The following STX12 variants were observed in gnomAD, a reference collection of about 807,000 sequenced individuals.
STX12 encodes syntaxin-12.
Under a neutral mutation model 42.2 loss-of-function variants are expected in STX12, and 17 were observed. That is an observed-to-expected ratio of 0.40 (90% CI 0.28 to 0.60). The LOEUF is 0.60. Among genes scored for constraint, STX12 ranks in the 20% least tolerant of loss-of-function variants. STX12 has a pLI of 0.39. For synonymous variants in STX12, 108 were observed against 116.7 expected, an observed-to-expected ratio of 0.93 and a Z score of 0.48; for missense variants, 297 against 330.9, an observed-to-expected ratio of 0.90 and a Z score of 0.79.
intron 1 of STX12, 22 bp from the exon 2 acceptor site, chr1:27,789,540 C>A (rs1424378096): frequency 1.9e-6 from 3 of 1,599,042 alleles, no homozygotes; most frequent in South Asian, 2.2e-5. Flanking sequence ...TTAAATAAAT[C>A]TTTTTCTTCC....
chr1:27,806,174 T>A (rs940862658), intron 4 of STX12, among the ~76,000 whole-genome samples: 1 of 152,196 alleles, frequency 6.6e-6, no homozygotes, highest in Non-Finnish European at 1.5e-5. Context: ...TCTTCCGAAA[T>A]TTTATTTTTA....
Position 27,786,874 on chromosome 1 carries a change from T to G in STX12, c.119-2688T>G, listed in dbSNP as rs567123278. 7.2e-5 allele frequency among the ~76,000 whole-genome samples: 11 copies of G among 152,346 alleles called. No individual in the cohort carries two copies. In the East Asian group the frequency reaches 2.1e-3, roughly 29 times the overall value. ...TGGCTGTCCAGTTAATAGCTTTAGTTGTATCCTGATTCCCATTTGACTTAG... is the reference window on the plus strand; with the variant it reads ...TGGCTGTCCAGTTAATAGCTTTAGTGGTATCCTGATTCCCATTTGACTTAG... On this transcript the variant is annotated intron_variant, in intron 1 of 8. Transcript: ENST00000373943.
In STX12 at chr1:27,791,916, G is replaced by A. The variant is rs532736129; in HGVS notation, c.189-1617G>A. 5.2e-3 allele frequency among the ~76,000 whole-genome samples: 783 copies of A among 150,884 alleles called. 3 individuals are homozygous for A. The highest frequency in any genetic ancestry group is 6.9e-3 in the South Asian group (33 of 4,814). On this transcript the variant is annotated intron_variant, in intron 2 of 8. Transcript: ENST00000373943. The stretch of plus-strand genomic sequence containing the variant: ...GGAGAATCACTTGAACCCGGGAGGC[G>A]AAGGTTGGAGTGAGCCAAGATCGCG...
At chr1:27,789,958 C>T (rs982539170) in intron 2 of STX12, among the ~76,000 whole-genome samples, 1 of 152,028 alleles carries the variant, frequency 6.6e-6, no homozygotes, top group Non-Finnish European at 1.5e-5. Flanking sequence ...TCCTTGTTGG[C>T]GTAGGACTCC....
chr1:27,801,444 A>G (rs527669474), intron 3 of STX12, among the ~76,000 whole-genome samples: 9 of 152,178 alleles, frequency 5.9e-5, no homozygotes, highest in South Asian at 2.1e-4. Flanking sequence ...AGTTAAATGC[A>G]ACCCAGTTCC....
At chr1:27,814,340 G>C (rs2088925594) in intron 6 of STX12, among the ~76,000 whole-genome samples, 1 of 151,684 alleles carries the variant, frequency 6.6e-6, no homozygotes, top group Non-Finnish European at 1.5e-5. Context: ...AGACAGCCTG[G>C]GCAGTGTAGC....
At chr1:27,793,676 GT>G in intron 3 of STX12, 44 bp downstream of exon 3, 1 of 1,536,728 alleles carries the variant, frequency 6.5e-7, no homozygotes. Context: ...AGGACTTTGT[GT>G]TAGTAGAAAG....
intron 2 of STX12, among the ~76,000 whole-genome samples, chr1:27,793,139 A>G (rs2088760312): frequency 6.6e-6 from 1 of 152,264 alleles, no homozygotes; most frequent in Non-Finnish European, 1.5e-5. Context: ...CCTAGATTCT[A>G]GTCAGTGGAC....
intron 1 of STX12, among the ~76,000 whole-genome samples, chr1:27,786,777 C>T (rs376699680): frequency 1.1e-4 from 16 of 152,268 alleles, no homozygotes; most frequent in African/African-American, 3.9e-4. Flanking sequence ...GCTTGTCAAG[C>T]CCAGTGTCTA....
intron 1 of STX12, among the ~76,000 whole-genome samples, chr1:27,784,328 C>G (rs149793875): frequency 5.4e-4 from 82 of 152,252 alleles, no homozygotes; most frequent in African/African-American, 1.9e-3. Flanking sequence ...TTGAGCGATC[C>G]TCTTCTCTCA....
Position 27,773,293 on chromosome 1 carries a change from T to G in STX12, c.-15T>G, listed in dbSNP as rs2088607575. The G allele has an allele frequency of 6.4e-7, 1 of 1,566,762 alleles. No homozygotes were observed. Among genetic ancestry groups the G allele is most frequent in the Non-Finnish European group, 8.7e-7 (1 of 1,143,698 alleles). On this transcript the variant is annotated 5_prime_UTR_variant, in exon 1 of 9. Transcript: ENST00000373943. ...AGGAGAGCGGTGTAGAGCGAGCAGG[T>G]CTCAGCTCCTCGTCATGTCATACGG...
At position 27,824,200 on chromosome 1, in the gene STX12, G is replaced by A. The variant is rs1328330536; in HGVS notation, c.*1871G>A. The A allele has an allele frequency of 1.3e-5, 2 of 152,044 alleles. No homozygotes were observed. The highest frequency in any genetic ancestry group is 2.9e-5 in the Non-Finnish European group (2 of 68,016). 9.4% of individuals were successfully genotyped at this position (152,044 alleles called of 1,614,324 possible). The stretch of plus-strand genomic sequence containing the variant: ...CCCTGTTTAACTCCAAATTACAGTC[G>A]GACTTGGATACATCATTTGTAACAT... On this transcript the variant is annotated 3_prime_UTR_variant, in exon 9 of 9. Transcript: ENST00000373943.
intron 2 of STX12, 54 bp downstream of exon 2, chr1:27,789,685 T>G: frequency 7.2e-7 from 1 of 1,384,022 alleles, no homozygotes; most frequent in Admixed American, 1.7e-5. Context: ...GAGGACACAG[T>G]GTCCTTGCCA....
chr1:27,817,595 TA>T (rs2088952253), intron 6 of STX12, among the ~76,000 whole-genome samples: 3 of 152,242 alleles, frequency 2.0e-5, no homozygotes, highest in African/African-American at 7.2e-5. Context: ...CCTTCTGCTG[TA>T]CTGTTTGGAC....
intron 4 of STX12, among the ~76,000 whole-genome samples, chr1:27,809,674 G>A (rs184712646): frequency 2.2e-4 from 34 of 151,948 alleles, no homozygotes; most frequent in African/African-American, 7.7e-4. Context: ...TGGCCAGGCT[G>A]GTCTTGAACT....
At chr1:27,785,609 A>G (rs1418168972) in intron 1 of STX12, among the ~76,000 whole-genome samples, 7 of 152,188 alleles carry the variant, frequency 4.6e-5, no homozygotes, top group Non-Finnish European at 4.4e-5. Context: ...ATCATCTATA[A>G]TTGGTGAAAA....
At chr1:27,792,172 A>AT (rs2088748922) in intron 2 of STX12, among the ~76,000 whole-genome samples, 1 of 127,404 alleles carries the variant, frequency 7.8e-6, no homozygotes, top group Non-Finnish European at 1.5e-5. Flanking sequence ...ATATGTATAT[A>AT]CATATATATG....
intron 1 of STX12, among the ~76,000 whole-genome samples, chr1:27,775,826 C>A (rs2088625052): frequency 6.6e-6 from 1 of 152,032 alleles, no homozygotes; most frequent in African/African-American, 2.4e-5. Context: ...GAAGAGCATT[C>A]CAGGAGGGAA....
chr1:27,810,244 A>C lies in STX12; in HGVS notation c.427-2A>C. The C allele has an allele frequency of 6.2e-7, 1 of 1,613,670 alleles. No homozygotes were observed. On this transcript the variant is annotated splice_acceptor_variant, in intron 4 of 8. Coordinates refer to ENST00000373943, the MANE Select transcript of STX12 (RefSeq NM_177424.3). LOFTEE classifies it high-confidence loss of function. Reference sequence around the variant, plus strand: ...GCAGCAATAATACCATCTACTTTCTAGGCAGAAGAGAGGCAAAGAGAGGAG... The same window carrying C: ...GCAGCAATAATACCATCTACTTTCTCGGCAGAAGAGAGGCAAAGAGAGGAG...
Sources: allele counts gnomAD v4.1 joint callset (sites outside exome capture counted in the v4.1 genomes callset), GRCh38; gene constraint gnomAD v4.1.1; transcripts MANE v1.5; gene names NCBI Gene and HGNC (gene_info 2026-07-23, HGNC 2026-07-21).